Variants in SHISA9 observed in about 807,000 individuals in gnomAD.
SHISA9 encodes shisa family member 9, also known as protein shisa-9.
SHISA9 carries 13 observed loss-of-function variants against 38.0 expected under a neutral mutation model. The observed-to-expected ratio is 0.34, with a 90% CI of 0.22 to 0.54. SHISA9 has a LOEUF of 0.54. SHISA9 is among the 20% of genes least tolerant of loss of function. SHISA9 has a pLI of 0.91. For missense variants in SHISA9, 538 were observed against 575.8 expected (o/e 0.93, Z 0.67); for synonymous variants, 275 against 242.0 (o/e 1.14, Z -1.27).
the SHISA9 span, among the ~76,000 whole-genome samples, chr16:13,360,351 C>A: frequency 6.6e-6 from 1 of 152,168 alleles, no homozygotes; most frequent in African/African-American, 2.4e-5. Flanking sequence ...TATGTCACCA[C>A]CCAAATCTCA....
At chr16:13,270,683 T>A in the SHISA9 span, among the ~76,000 whole-genome samples, 1 of 152,138 alleles carries the variant, frequency 6.6e-6, no homozygotes, top group Non-Finnish European at 1.5e-5. Context: ...TAGCTGAAGA[T>A]CAATATCTGA....
the SHISA9 span, among the ~76,000 whole-genome samples, chr16:13,252,910 T>C: frequency 6.6e-6 from 1 of 152,044 alleles, no homozygotes; most frequent in African/African-American, 2.4e-5. Context: ...TGTAGGTCCA[T>C]TTATACTTGC....
chr16:13,093,120 G>T (rs1596643418), intron 2 of SHISA9, among the ~76,000 whole-genome samples: 2 of 152,286 alleles, frequency 1.3e-5, no homozygotes, highest in East Asian at 3.9e-4. Flanking sequence ...GGGTTCTGTT[G>T]GCAGCAGAGG....
the SHISA9 span, among the ~76,000 whole-genome samples, chr16:13,411,568 G>C: frequency 6.6e-6 from 1 of 152,230 alleles, no homozygotes; most frequent in South Asian, 2.1e-4. Context: ...AGTGATCCAG[G>C]ATCCTTCTTG....
At chr16:13,476,818 G>A in the SHISA9 span, among the ~76,000 whole-genome samples, 2 of 133,868 alleles carry the variant, frequency 1.5e-5, no homozygotes, top group East Asian at 2.2e-4. Context: ...GCGTGATCTC[G>A]GCTCACTGCA....
intron 2 of SHISA9, among the ~76,000 whole-genome samples, chr16:13,189,104 A>G (rs534473332): frequency 1.3e-5 from 2 of 152,318 alleles, no homozygotes; most frequent in South Asian, 4.1e-4. Flanking sequence ...TGCTAATACC[A>G]TGACCTCAGA....
At chr16:13,537,729 T>A in the SHISA9 span, among the ~76,000 whole-genome samples, 1 of 152,206 alleles carries the variant, frequency 6.6e-6, no homozygotes, top group African/African-American at 2.4e-5. Context: ...TCAAAAAGGA[T>A]GCATTGTACC....
chr16:13,454,009 AAAG>A, the SHISA9 span, among the ~76,000 whole-genome samples: 2 of 152,210 alleles, frequency 1.3e-5, no homozygotes, highest in Non-Finnish European at 2.9e-5. Flanking sequence ...TATGTCATTT[AAAG>A]AACTCCTCCT....
At chr16:13,437,788 A>G in the SHISA9 span, among the ~76,000 whole-genome samples, 71 of 152,246 alleles carry the variant, frequency 4.7e-4, no homozygotes, top group African/African-American at 1.5e-3. Flanking sequence ...AGGACAGCAA[A>G]AATAATCAAA....
intron 2 of SHISA9, among the ~76,000 whole-genome samples, chr16:13,085,827 C>A (rs958811519): frequency 6.6e-6 from 1 of 151,982 alleles, no homozygotes; most frequent in African/African-American, 2.4e-5. Flanking sequence ...AATTATAATC[C>A]AGGTAATTAG....
the SHISA9 span, among the ~76,000 whole-genome samples, chr16:13,472,092 G>A: frequency 1.3e-5 from 2 of 152,182 alleles, no homozygotes; most frequent in African/African-American, 4.8e-5. Flanking sequence ...GCTTAGTGCT[G>A]TGTTTTCATT....
the SHISA9 span, among the ~76,000 whole-genome samples, chr16:13,254,226 C>T: frequency 3.3e-5 from 5 of 152,128 alleles, no homozygotes; most frequent in African/African-American, 1.2e-4. Flanking sequence ...ACTATTAACC[C>T]TAATTTTAGA....
the SHISA9 span, among the ~76,000 whole-genome samples, chr16:13,325,508 G>C: frequency 6.6e-6 from 1 of 152,132 alleles, no homozygotes; most frequent in African/African-American, 2.4e-5. Flanking sequence ...GAGGGCCTTA[G>C]AATATTATTT....
the SHISA9 span, among the ~76,000 whole-genome samples, chr16:13,427,597 A>T: frequency 6.6e-6 from 1 of 152,146 alleles, no homozygotes; most frequent in African/African-American, 2.4e-5. Context: ...TTCCAGGAAA[A>T]AGTAGAGGGA....
chr16:13,031,513 C>T (rs1208207845), intron 2 of SHISA9, among the ~76,000 whole-genome samples: 1 of 152,132 alleles, frequency 6.6e-6, no homozygotes, highest in Non-Finnish European at 1.5e-5. Flanking sequence ...ATTCCTGAGA[C>T]TTAACAAGTA....
intron 2 of SHISA9, among the ~76,000 whole-genome samples, chr16:13,167,926 T>C (rs922870291): frequency 2.0e-5 from 3 of 152,206 alleles, no homozygotes; most frequent in African/African-American, 7.2e-5. Context: ...TGTTGTTCTA[T>C]GTGTTTCAAG....
At chr16:12,909,597 C>T (rs1315894329) in intron 1 of SHISA9, 1 of 985,418 alleles carries the variant, frequency 1.0e-6, no homozygotes, top group South Asian at 4.7e-5. Flanking sequence ...AGCTGTTGCA[C>T]TGGCCCTTGT....
chr16:13,177,187 T>C (rs1394302451), intron 2 of SHISA9, among the ~76,000 whole-genome samples: 1 of 152,184 alleles, frequency 6.6e-6, no homozygotes, highest in Non-Finnish European at 1.5e-5. Flanking sequence ...CAGAACCCCC[T>C]CTCAGAGAAC....
chr16:13,262,102 G>T, the SHISA9 span, among the ~76,000 whole-genome samples: 1 of 152,216 alleles, frequency 6.6e-6, no homozygotes, highest in Non-Finnish European at 1.5e-5. Flanking sequence ...TTGAGGTTCA[G>T]ACTGAGAGGA....
Sources: allele counts gnomAD v4.1 joint callset (sites outside exome capture counted in the v4.1 genomes callset), GRCh38; gene constraint gnomAD v4.1.1; transcripts MANE v1.5; gene names NCBI Gene and HGNC (gene_info 2026-07-23, HGNC 2026-07-21).